Variants in LAMB4 observed in about 807,000 individuals in gnomAD.
The protein encoded by LAMB4 is laminin subunit beta-4.
Under a neutral mutation model 199.2 loss-of-function variants are expected in LAMB4, and 196 were observed. That is an observed-to-expected ratio of 0.98 (90% CI 0.88 to 1.11). The LOEUF is 1.11. LAMB4 is among the 50% of genes least tolerant of loss of function. The probability of loss-of-function intolerance (pLI) is 0.00; values close to 1 mark genes in which losing one functional copy is unlikely to be tolerated. For synonymous variants in LAMB4, 744 were observed against 770.6 expected (o/e 0.97, Z 0.57); for missense variants, 2,080 against 2,171.2 (o/e 0.96, Z 0.83).
At chr7:108,117,456 CAA>C (rs1446332436) in intron 2 of LAMB4, among the ~76,000 whole-genome samples, 1 of 152,070 alleles carries the variant, frequency 6.6e-6, no homozygotes, top group Admixed American at 6.5e-5. Context: ...TTGAATAAAA[CAA>C]AGTGGAATCT....
intron 12 of LAMB4, 145 bp from the exon 13 acceptor site, chr7:108,092,561 C>T (rs765766252): frequency 1.1e-4 from 75 of 667,264 alleles, no homozygotes; most frequent in Non-Finnish European, 1.2e-4. Flanking sequence ...CTGGCCTATG[C>T]GCTTGGCTAA....
intron 14 of LAMB4, among the ~76,000 whole-genome samples, chr7:108,081,616 T>G (rs761367599): frequency 2.0e-5 from 3 of 152,180 alleles, no homozygotes; most frequent in Non-Finnish European, 4.4e-5. Flanking sequence ...GATCCTAAGA[T>G]GCAATTCTGG....
intron 29 of LAMB4, among the ~76,000 whole-genome samples, 195 bp downstream of exon 29, chr7:108,043,557 T>G (rs2035502715): frequency 1.3e-4 from 2 of 15,858 alleles, no homozygotes; most frequent in Non-Finnish European, 2.1e-4. Flanking sequence ...TTTTTTTTTT[T>G]TTTTTTTTTT....
intron 25 of LAMB4, 141 bp from the exon 26 acceptor site, chr7:108,052,398 G>T: frequency 5.1e-6 from 3 of 584,428 alleles, no homozygotes; most frequent in East Asian, 2.9e-5. Flanking sequence ...TTCATTTGAC[G>T]GTTTATAATT....
chr7:108,123,058 G>A (rs1296078819), intron 2 of LAMB4, 73 bp downstream of exon 2: 2 of 1,324,252 alleles, frequency 1.5e-6, no homozygotes, highest in Non-Finnish European at 2.1e-6. Flanking sequence ...AAGTGAATAT[G>A]TTTAAAAACT....
chr7:108,122,197 G>A (rs562068272), intron 2 of LAMB4, among the ~76,000 whole-genome samples: 35 of 152,320 alleles, frequency 2.3e-4, no homozygotes, highest in Admixed American at 1.1e-3. Flanking sequence ...TACAAAGGCT[G>A]GGGAGAAGGT....
At position 108,084,311 on chromosome 7, in the gene LAMB4, GC is replaced by G. The variant is rs1415656561; in HGVS notation, c.1702-4526del. On this transcript the variant is annotated intron_variant, in intron 14 of 33. Transcript: ENST00000388781. Reference sequence around the variant, plus strand: ...TCAGAATCCTGGAGAACCTGTGCCTGCATGGAGTGAACTTAATGTAAGAAGC... The same window carrying G: ...TCAGAATCCTGGAGAACCTGTGCCTGATGGAGTGAACTTAATGTAAGAAGC... Among the ~76,000 whole-genome samples, 6 of 152,178 alleles carry G rather than the reference GC, an allele frequency of 3.9e-5. No homozygotes were observed. The East Asian group carries it at 1.2e-3, about 29-fold the overall frequency.
At chr7:108,098,108 G>C (rs538866946) in intron 11 of LAMB4, among the ~76,000 whole-genome samples, 1 of 152,188 alleles carries the variant, frequency 6.6e-6, no homozygotes, top group Non-Finnish European at 1.5e-5. Flanking sequence ...CGAGGTGGGC[G>C]GATCACTTGA....
intron 24 of LAMB4, among the ~76,000 whole-genome samples, chr7:108,057,061 G>C (rs1031527249): frequency 1.3e-5 from 2 of 151,724 alleles, no homozygotes; most frequent in African/African-American, 4.8e-5. Context: ...GGGCTCTTCA[G>C]CTAGTTCATC....
At chr7:108,107,593 T>TA in intron 6 of LAMB4, 38 bp downstream of exon 6, 3 of 1,470,036 alleles carry the variant, frequency 2.0e-6, no homozygotes, top group Non-Finnish European at 2.8e-6. Flanking sequence ...TTTAAAAGTT[T>TA]AATTTATACA....
In LAMB4 at chr7:108,104,590, A is replaced by G; in HGVS notation, c.900T>C (p.Asn300=). The G allele has an allele frequency of 6.2e-7, 1 of 1,614,176 alleles. No homozygotes were observed. The highest frequency in any genetic ancestry group is 8.5e-7 in the Non-Finnish European group (1 of 1,180,018). ...ATCTCTCACAGTTCGGACCATCTGT[A>G]TTGTGCTGACACACACACTGACCGT... is the stretch of plus-strand genomic sequence containing the variant. The part of the protein sequence containing the change: ...MVHGQCVCQH[N]TDGPNCERCK... The change falls in exon 9 of 34, where the codon AAT becomes AAC. Residue 300 remains asparagine, a synonymous_variant. Coordinates refer to ENST00000388781, the MANE Select transcript of LAMB4 (RefSeq NM_007356.3).
At chr7:108,055,266 A>C (rs1353930193) in intron 25 of LAMB4, among the ~76,000 whole-genome samples, 1 of 150,726 alleles carries the variant, frequency 6.6e-6, no homozygotes, top group Non-Finnish European at 1.5e-5. Context: ...GGGTCACTGT[A>C]ACCTTCGCCT....
At chr7:108,065,673 A>G (rs2036310156) in intron 21 of LAMB4, 89 bp downstream of exon 21, 4 of 1,114,398 alleles carry the variant, frequency 3.6e-6, no homozygotes, top group Non-Finnish European at 3.9e-6. Flanking sequence ...ACATTTGTCC[A>G]AGACAGATAA....
At chr7:108,064,884 T>C (rs1196706044) in intron 21 of LAMB4, among the ~76,000 whole-genome samples, 1 of 149,162 alleles carries the variant, frequency 6.7e-6, no homozygotes. Context: ...ATGTTTCATG[T>C]GTAAATACCT....
At chr7:108,126,118 TA>T (rs1296936589) in intron 1 of LAMB4, among the ~76,000 whole-genome samples, 42 of 152,220 alleles carry the variant, frequency 2.8e-4, no homozygotes, top group Non-Finnish European at 5.1e-4. Flanking sequence ...AGCTTGCCAA[TA>T]ATTCTGTTAG....
intron 2 of LAMB4, among the ~76,000 whole-genome samples, chr7:108,116,362 C>G (rs1358735230): frequency 6.6e-6 from 1 of 151,986 alleles, no homozygotes; most frequent in African/African-American, 2.4e-5. Context: ...CTCTTTGAGT[C>G]TTTTGAAATC....
intron 14 of LAMB4, among the ~76,000 whole-genome samples, chr7:108,083,408 G>A (rs1053954282): frequency 2.0e-5 from 3 of 152,176 alleles, no homozygotes; most frequent in Non-Finnish European, 4.4e-5. Flanking sequence ...GTGAGAACCA[G>A]CCATTCTATG....
At chr7:108,102,923 C>G in intron 10 of LAMB4, 121 bp downstream of exon 10, 1 of 747,074 alleles carries the variant, frequency 1.3e-6, no homozygotes, top group Non-Finnish European at 2.0e-6. Flanking sequence ...CAATCCTCCA[C>G]TCTCCAAAAT....
chr7:108,099,633 C>A (rs899258921), intron 10 of LAMB4, among the ~76,000 whole-genome samples: 2 of 152,094 alleles, frequency 1.3e-5, no homozygotes, highest in Non-Finnish European at 2.9e-5. Flanking sequence ...TGGGGTTCCA[C>A]TTTTAAGGCG....
Sources: gnomAD v4.1 joint callset for allele counts (sites outside exome capture counted in the v4.1 genomes callset) on GRCh38, gnomAD v4.1.1 for gene constraint, MANE v1.5 for transcripts, NCBI Gene and HGNC (gene_info 2026-07-23, HGNC 2026-07-21) for gene names.